Variants in NRK observed in about 807,000 individuals in gnomAD.
NRK encodes the protein nik-related protein kinase.
Under a neutral mutation model 125.2 loss-of-function variants are expected in NRK, and 67 were observed. The observed-to-expected ratio is 0.54, with a 90% CI of 0.44 to 0.66. The LOEUF is 0.66. Among genes scored for constraint, NRK ranks in the 30% least tolerant of loss-of-function variants. The pLI is 0.00. For synonymous variants in NRK, 458 were observed against 429.0 expected, an observed-to-expected ratio of 1.07 and a Z score of -0.84; for missense variants, 1,224 against 1,192.9, an observed-to-expected ratio of 1.03 and a Z score of -0.38.
chrX:105,835,841 T>C (rs1008382545), intron 2 of NRK, among the ~76,000 whole-genome samples: 1 of 111,000 alleles, frequency 9.0e-6, no homozygotes, highest in African/African-American at 3.3e-5. Context: ...ATTTGTCCTG[T>C]GTCTATGGCT....
intron 2 of NRK, among the ~76,000 whole-genome samples, chrX:105,852,921 T>A (rs1230187737): frequency 2.7e-5 from 3 of 111,927 alleles, no homozygotes; most frequent in Admixed American, 9.5e-5. Context: ...AGTGACTTTT[T>A]AAAAATTTTT....
intron 4 of NRK, among the ~76,000 whole-genome samples, chrX:105,885,088 G>T (rs1259396154): frequency 8.9e-6 from 1 of 112,063 alleles, no homozygotes; most frequent in Non-Finnish European, 1.9e-5. Flanking sequence ...ACCACGCCAG[G>T]CCAAAAGTCT....
intron 21 of NRK, among the ~76,000 whole-genome samples, chrX:105,935,919 G>T (rs1017480302): frequency 5.5e-4 from 60 of 109,002 alleles, no homozygotes; most frequent in Non-Finnish European, 7.6e-5. Flanking sequence ...ACTTTATGAG[G>T]TATTCCAAGA....
intron 19 of NRK, among the ~76,000 whole-genome samples, chrX:105,933,541 C>T (rs927777053): frequency 7.1e-5 from 8 of 112,062 alleles, no homozygotes; most frequent in African/African-American, 2.3e-4. Context: ...TGTCACATTT[C>T]GTGGCTTTTA....
At chrX:105,893,710 G>A (rs1390341514) in intron 5 of NRK, 122 bp from the exon 6 acceptor site, 5 of 438,381 alleles carry the variant, frequency 1.1e-5, no homozygotes, top group Non-Finnish European at 2.0e-5. Context: ...AATTGAGGCA[G>A]TACTTGCAGT....
intron 5 of NRK, among the ~76,000 whole-genome samples, chrX:105,891,319 A>G (rs2040013854): frequency 8.9e-6 from 1 of 111,895 alleles, no homozygotes; most frequent in Non-Finnish European, 1.9e-5. Context: ...AAAAATAGTT[A>G]AATCACAAGA....
Position 105,935,226 on chromosome X carries a change from A to G in NRK, c.3556A>G (p.Asn1186Asp). ...ATCACCTAAGCAACCCTCTGAAGTC[A>G]ATGTTAACCCACTCTATGTCTCTCC... The part of the protein sequence containing the change: ...EESPKQPSEV[N>D]VNPLYVSPAC... Residue 1186 changes from asparagine to aspartate, a missense_variant, in exon 21 of 29, where the codon AAT becomes GAT. Coordinates refer to ENST00000243300, the MANE Select transcript of NRK (RefSeq NM_198465.4). The G allele has an allele frequency of 5.0e-6, 6 of 1,191,836 alleles. No homozygotes were observed. Among genetic ancestry groups the G allele is most frequent in the Non-Finnish European group, 6.8e-6 (6 of 877,733 alleles).
At chrX:105,941,579 G>C (rs1017486376) in intron 23 of NRK, among the ~76,000 whole-genome samples, 2 of 108,237 alleles carry the variant, frequency 1.8e-5, no homozygotes, top group Non-Finnish European at 3.8e-5. Context: ...GAGAGAGAGA[G>C]AGAGAGAGAG....
chrX:105,924,435 G>T (rs763502333), intron 18 of NRK, among the ~76,000 whole-genome samples: 1 of 111,612 alleles, frequency 9.0e-6, no homozygotes, highest in African/African-American at 3.2e-5. Flanking sequence ...ACCTAACAAA[G>T]AATACAAGTT....
At chrX:105,884,860 G>A (rs746789717) in intron 4 of NRK, among the ~76,000 whole-genome samples, 1 of 112,381 alleles carries the variant, frequency 8.9e-6, no homozygotes, top group Admixed American at 9.4e-5. Context: ...AGGCTAGTGT[G>A]CAGTGGCACA....
intron 19 of NRK, among the ~76,000 whole-genome samples, chrX:105,931,188 C>T (rs183477629): frequency 5.3e-5 from 6 of 112,428 alleles, no homozygotes; most frequent in African/African-American, 1.9e-4. Flanking sequence ...TTCCTGGGCC[C>T]AAGATCTGAG....
intron 8 of NRK, among the ~76,000 whole-genome samples, chrX:105,898,954 G>A (rs898595003): frequency 4.5e-5 from 5 of 111,534 alleles, no homozygotes; most frequent in African/African-American, 1.6e-4. Context: ...GAGGCAGAAT[G>A]TGTGGTTTAT....
At chrX:105,908,110 G>A (rs2040242809) in intron 11 of NRK, 130 bp from the exon 12 acceptor site, 1 of 384,686 alleles carries the variant, frequency 2.6e-6, no homozygotes, top group Non-Finnish European at 4.5e-6. Flanking sequence ...AAGTACTTTT[G>A]AAGGGCTACC....
intron 13 of NRK, among the ~76,000 whole-genome samples, chrX:105,911,002 A>C (rs1197275077): frequency 1.8e-5 from 2 of 111,781 alleles, no homozygotes; most frequent in Non-Finnish European, 3.8e-5. Context: ...GAAAATAGGC[A>C]ACAAACATCT....
chrX:105,912,319 G>C lies in NRK; in HGVS notation c.2242-329G>C, dbSNP rs1026047082. On this transcript the variant is annotated intron_variant, in intron 13 of 28. Coordinates refer to ENST00000243300, the MANE Select transcript of NRK (RefSeq NM_198465.4). ...TATGAGTCAATCAAGTTTTAGGCCAGAGATTCTTAACCTGGACCCTGTAGA... is the reference window on the plus strand; with the variant it reads ...TATGAGTCAATCAAGTTTTAGGCCACAGATTCTTAACCTGGACCCTGTAGA... Among the ~76,000 whole-genome samples the C allele has an allele frequency of 6.3e-5, 7 of 110,475 alleles. No individual in the cohort carries two copies. In the Admixed American group the frequency reaches 6.8e-4, roughly 11 times the overall value.
chrX:105,936,205 C>T (rs2040662912), intron 21 of NRK, among the ~76,000 whole-genome samples: 1 of 110,995 alleles, frequency 9.0e-6, no homozygotes, highest in African/African-American at 3.3e-5. Context: ...GAACAAAGGA[C>T]AGGGTTTTAA....
chrX:105,938,692 A>T (rs763651817), intron 22 of NRK, among the ~76,000 whole-genome samples: 4 of 111,991 alleles, frequency 3.6e-5, no homozygotes, highest in Non-Finnish European at 7.5e-5. Flanking sequence ...TCAGTATAAG[A>T]AGGTACTCAG....
intron 4 of NRK, among the ~76,000 whole-genome samples, chrX:105,886,014 A>T (rs1039545631): frequency 9.0e-6 from 1 of 110,611 alleles, no homozygotes. Flanking sequence ...CGGTGTCCTA[A>T]TGCCTATGGT....
chrX:105,921,800 C>G (rs1463987592), intron 16 of NRK, among the ~76,000 whole-genome samples, 164 bp from the exon 17 acceptor site: 1 of 107,654 alleles, frequency 9.3e-6, no homozygotes, highest in East Asian at 2.9e-4. Flanking sequence ...ATTTAAGATC[C>G]TGGCCCCATG....
Sources: gnomAD v4.1 joint callset for allele counts (sites outside exome capture counted in the v4.1 genomes callset) on GRCh38, gnomAD v4.1.1 for gene constraint, MANE v1.5 for transcripts, NCBI Gene and HGNC (gene_info 2026-07-23, HGNC 2026-07-21) for gene names.